The following ATP8B4 variants were observed in gnomAD, a reference collection of about 807,000 sequenced individuals.
ATP8B4 encodes probable phospholipid-transporting ATPase IM.
A neutral mutation model predicts 145.6 loss-of-function variants in ATP8B4; 133 were observed. The observed-to-expected ratio is 0.91, with a 90% confidence interval of 0.79 to 1.05. The LOEUF (loss-of-function observed/expected upper bound fraction) is 1.05. Among genes scored for constraint, ATP8B4 ranks in the 50% least tolerant of loss-of-function variants. ATP8B4 has a pLI of 0.00. For synonymous variants in ATP8B4, 507 were observed against 492.9 expected (o/e 1.03, Z -0.38); for missense variants, 1,458 against 1,425.2 (o/e 1.02, Z -0.37).
chr15:49,972,921 G>C, intron 12 of ATP8B4, 131 bp from the exon 13 acceptor site: 1 of 793,506 alleles, frequency 1.3e-6, no homozygotes, highest in Non-Finnish European at 2.0e-6. Context: ...TCTGTCCCTA[G>C]GTCCCAGGGA....
Position 50,042,521 on chromosome 15 carries a change from A to G in ATP8B4, c.300+2073T>C, listed in dbSNP as rs193096664. ...TTCACACATCCCACCTCTGTTATCA[A>G]TCTAGCTACTGAAGTTCATCTTCCC... On this transcript the variant is annotated intron_variant, in intron 5 of 27. Coordinates refer to ENST00000284509, the MANE Select transcript of ATP8B4 (RefSeq NM_024837.4). Among the ~76,000 whole-genome samples, 9 of 152,230 alleles carry G rather than the reference A, an allele frequency of 5.9e-5. No individual in the cohort carries two copies. In the East Asian group the frequency reaches 1.7e-3, roughly 29 times the overall value.
At chr15:50,006,069 G>C (rs1257628561) in intron 7 of ATP8B4, among the ~76,000 whole-genome samples, 1 of 152,078 alleles carries the variant, frequency 6.6e-6, no homozygotes, top group Non-Finnish European at 1.5e-5. Context: ...TAAAAATGAA[G>C]TTTATATGGT....
chr15:50,157,571 T>C (rs1346670350), intron 1 of ATP8B4, among the ~76,000 whole-genome samples: 3 of 152,152 alleles, frequency 2.0e-5, no homozygotes, highest in Non-Finnish European at 4.4e-5. Context: ...TTGTTGTTGT[T>C]TGTTTGTTTG....
chr15:50,101,631 C>T (rs2056358399), intron 2 of ATP8B4, among the ~76,000 whole-genome samples: 1 of 152,022 alleles, frequency 6.6e-6, no homozygotes, highest in Admixed American at 6.6e-5. Flanking sequence ...TAGACAGCAA[C>T]ACAATAATAG....
rs1947854763 is a variant in ATP8B4, at chr15:49,862,379, T to C, written c.3167-4A>G. ...GTCAGGGAATGTCGTGCATTACCTATCAATCATTAAAGAAAATATACACTG... is the reference window on the plus strand; with the variant it reads ...GTCAGGGAATGTCGTGCATTACCTACCAATCATTAAAGAAAATATACACTG... On this transcript the variant is annotated splice_region_variant and splice_polypyrimidine_tract_variant and intron_variant, in intron 26 of 27. Coordinates refer to ENST00000284509, the MANE Select transcript of ATP8B4 (RefSeq NM_024837.4). 1 of 1,612,520 alleles carries C rather than the reference T, an allele frequency of 6.2e-7. No homozygotes were observed. The highest frequency in any genetic ancestry group is 1.3e-5 in the African/African-American group (1 of 74,880).
At chr15:49,944,488 T>A (rs950933309) in intron 14 of ATP8B4, among the ~76,000 whole-genome samples, 3 of 152,106 alleles carry the variant, frequency 2.0e-5, no homozygotes, top group African/African-American at 7.2e-5. Flanking sequence ...GGACATTTCA[T>A]AAAAGGGTCA....
intron 1 of ATP8B4, among the ~76,000 whole-genome samples, chr15:50,178,416 A>G (rs899129873): frequency 1.3e-5 from 2 of 152,258 alleles, no homozygotes; most frequent in Non-Finnish European, 2.9e-5. Context: ...AAACTTGTAT[A>G]AAAACAATTT....
At chr15:49,919,289 G>C (rs565337439) in intron 18 of ATP8B4, among the ~76,000 whole-genome samples, 4 of 152,316 alleles carry the variant, frequency 2.6e-5, no homozygotes, top group Admixed American at 1.3e-4. Flanking sequence ...CAGTGGAGGA[G>C]TCCAAAGAAT....
At chr15:49,991,435 G>T (rs1335209035) in intron 9 of ATP8B4, among the ~76,000 whole-genome samples, 1 of 151,966 alleles carries the variant, frequency 6.6e-6, no homozygotes, top group East Asian at 1.9e-4. Flanking sequence ...TTACATCCGG[G>T]GTTTTCCCCA....
At chr15:49,988,500 G>T (rs1372295886) in intron 9 of ATP8B4, among the ~76,000 whole-genome samples, 1 of 152,026 alleles carries the variant, frequency 6.6e-6, no homozygotes, top group African/African-American at 2.4e-5. Flanking sequence ...AGGAAGCTGT[G>T]GGTAGATCCA....
chr15:50,069,394 G>GGTTCTCGAGGTATTGAA (rs1473307832), intron 3 of ATP8B4, among the ~76,000 whole-genome samples: 1 of 152,172 alleles, frequency 6.6e-6, no homozygotes, highest in African/African-American at 2.4e-5. Context: ...GATAAATGAA[G>GGTTCTCGAGGTATTGAA]GTTCTCGAGG....
intron 3 of ATP8B4, among the ~76,000 whole-genome samples, chr15:50,052,239 C>T (rs931080102): frequency 6.6e-6 from 1 of 152,160 alleles, no homozygotes; most frequent in African/African-American, 2.4e-5. Flanking sequence ...AGATCTTCAC[C>T]ACTATCCTCT....
intron 14 of ATP8B4, among the ~76,000 whole-genome samples, chr15:49,950,599 A>AC (rs2042984699): frequency 1.1e-5 from 1 of 87,764 alleles, no homozygotes; most frequent in African/African-American, 3.6e-5. Context: ...CTAAAAAAAA[A>AC]AAACAAACAA....
At chr15:49,960,130 C>G (rs1444740667) in intron 14 of ATP8B4, among the ~76,000 whole-genome samples, 1 of 151,182 alleles carries the variant, frequency 6.6e-6, no homozygotes, top group African/African-American at 2.4e-5. Context: ...CAGGTTCAAG[C>G]AAATCTCCTG....
chr15:50,099,096 G>A (rs2056181446), intron 2 of ATP8B4, among the ~76,000 whole-genome samples: 2 of 152,070 alleles, frequency 1.3e-5, no homozygotes, highest in African/African-American at 2.4e-5. Flanking sequence ...AGGCAGTAAT[G>A]TGTTCTGGCT....
rs2054654375 is a variant in ATP8B4, at chr15:50,083,006, G to A, written c.29-8821C>T. On this transcript the variant is annotated intron_variant, in intron 2 of 27. Transcript: ENST00000284509. The stretch of plus-strand genomic sequence containing the variant: ...GATGGTGGTGGTACAGTGCATAGAT[G>A]ACTGGGAAACTGCAAATTGGTGTGT... Among the ~76,000 whole-genome samples, 5 of 152,328 alleles carry A rather than the reference G, an allele frequency of 3.3e-5. No individual in the cohort carries two copies. The South Asian group carries it at 1.0e-3, about 32-fold the overall frequency.
In ATP8B4 at chr15:49,931,156, C is replaced by A. The variant is rs146835330; in HGVS notation, c.1605G>T (p.Leu535Phe). 4,681 of 1,611,570 alleles carry A rather than the reference C, an allele frequency of 2.9e-3. 11 individuals carry two copies. Among genetic ancestry groups the A allele is most frequent in the Non-Finnish European group, 3.5e-3 (4,173 of 1,178,534 alleles). The change falls in exon 16 of 28, where the codon TTG (leucine) becomes TTT (phenylalanine). Residue 535 changes from leucine (L) to phenylalanine (F), a missense_variant. Transcript: ENST00000284509. ...TCCTTTTTCTGGTGTTGTTGAAATC[C>A]AAAAAGGCAAGTAATTGATAAGTAA... is the stretch of plus-strand genomic sequence containing the variant. ...TLVTYQLLAF[L>F]DFNNTRKRMS...
intron 25 of ATP8B4, among the ~76,000 whole-genome samples, chr15:49,871,237 A>G (rs140738823): frequency 6.8e-4 from 104 of 152,326 alleles, no homozygotes; most frequent in African/African-American, 2.1e-3. Context: ...TAAATGAGAT[A>G]ATGGGATTAT....
chr15:49,978,292 G>C (rs1013477464), intron 12 of ATP8B4, among the ~76,000 whole-genome samples: 1 of 152,098 alleles, frequency 6.6e-6, no homozygotes, highest in Non-Finnish European at 1.5e-5. Context: ...TTTATAATTG[G>C]ATACAAGCAT....
Sources: allele counts gnomAD v4.1 joint callset (sites outside exome capture counted in the v4.1 genomes callset), GRCh38; gene constraint gnomAD v4.1.1; transcripts MANE v1.5; gene names NCBI Gene and HGNC (gene_info 2026-07-23, HGNC 2026-07-21).